PSD3: variants seen among roughly 807,000 people sequenced by gnomAD.
PSD3 encodes pleckstrin and Sec7 domain containing 3, also known as PH and SEC7 domain-containing protein 3.
Under a neutral mutation model 105.5 loss-of-function variants are expected in PSD3, and 49 were observed. That is an observed-to-expected ratio of 0.46 (90% CI 0.37 to 0.59). The LOEUF (loss-of-function observed/expected upper bound fraction) is 0.59, where lower values mean the gene tolerates loss of function less well. PSD3 is among the 20% of genes least tolerant of loss of function. The pLI is 0.00. For missense variants in PSD3, 1,561 were observed against 1,263.8 expected (o/e 1.24, Z -3.57); for synonymous variants, 557 against 457.8 (o/e 1.22, Z -2.77).
chr8:19,033,819 A>G (rs969299129), intron 1 of PSD3, among the ~76,000 whole-genome samples: 21 of 152,276 alleles, frequency 1.4e-4, no homozygotes, highest in African/African-American at 4.8e-4. Flanking sequence ...TGGTTTCTGT[A>G]CAAACGTTCA....
chr8:19,053,888 A>G (rs1326118768), intron 1 of PSD3, among the ~76,000 whole-genome samples: 1 of 152,174 alleles, frequency 6.6e-6, no homozygotes, highest in African/African-American at 2.4e-5. Context: ...GAATGAATGA[A>G]ATTTTGATTT....
chr8:18,951,693 C>G (rs928565739), intron 1 of PSD3, among the ~76,000 whole-genome samples: 4 of 152,056 alleles, frequency 2.6e-5, no homozygotes, highest in Admixed American at 1.3e-4. Flanking sequence ...GAATATAATA[C>G]TGGGAAATGG....
intron 9 of PSD3, among the ~76,000 whole-genome samples, chr8:18,754,061 A>C (rs950026139): frequency 6.6e-6 from 1 of 152,130 alleles, no homozygotes; most frequent in Non-Finnish European, 1.5e-5. Context: ...TTCATGGCCA[A>C]ACTGAGAAAA....
intron 4 of PSD3, among the ~76,000 whole-genome samples, chr8:18,821,719 C>CACACACACACA (rs1563312321): frequency 1.5e-4 from 3 of 20,230 alleles, no homozygotes; most frequent in African/African-American, 2.9e-4. Flanking sequence ...ACACACACAC[C>CACACACACACA]CCAATAACAA....
intron 4 of PSD3, chr8:18,808,992 G>A (rs1811446604): frequency 5.3e-6 from 7 of 1,309,212 alleles, no homozygotes; most frequent in Middle Eastern, 2.8e-4. Flanking sequence ...AATAAAAACA[G>A]CAGCCAGAAC....
chr8:18,874,386 C>T (rs1004355217), intron 2 of PSD3, among the ~76,000 whole-genome samples: 6 of 151,856 alleles, frequency 4.0e-5, no homozygotes, highest in Non-Finnish European at 8.8e-5. Flanking sequence ...AGGATGGTCT[C>T]GATGTCTTGA....
chr8:18,800,686 G>A (rs1467273830), intron 7 of PSD3, among the ~76,000 whole-genome samples: 1 of 151,514 alleles, frequency 6.6e-6, no homozygotes, highest in East Asian at 1.9e-4. Context: ...AGTGTAATAT[G>A]CATAACCTCA....
chr8:18,651,002 T>C (rs953325735), intron 10 of PSD3, among the ~76,000 whole-genome samples: 2 of 152,184 alleles, frequency 1.3e-5, no homozygotes, highest in African/African-American at 4.8e-5. Context: ...GACTTAATTT[T>C]CCTCATATAT....
At chr8:18,924,977 G>C (rs1396380859) in intron 2 of PSD3, among the ~76,000 whole-genome samples, 2 of 152,220 alleles carry the variant, frequency 1.3e-5, no homozygotes, top group South Asian at 4.1e-4. Context: ...TAGATAACTG[G>C]ACTTCACCAA....
chr8:18,989,326 T>A (rs1825671266), intron 1 of PSD3: 1 of 152,214 alleles, frequency 6.6e-6, no homozygotes, highest in Non-Finnish European at 1.5e-5. Flanking sequence ...GCTTTCAGTC[T>A]CTTTTCATGG....
intron 1 of PSD3, among the ~76,000 whole-genome samples, chr8:19,034,509 C>A (rs188680454): frequency 5.3e-5 from 8 of 152,176 alleles, no homozygotes; most frequent in African/African-American, 1.9e-4. Flanking sequence ...AGTAATTCTA[C>A]ATTTAACATC....
chr8:18,602,945 G>T (rs933201446), intron 11 of PSD3, among the ~76,000 whole-genome samples: 13 of 152,158 alleles, frequency 8.5e-5, no homozygotes, highest in African/African-American at 3.1e-4. Flanking sequence ...AACACACAGA[G>T]GTCCGTAAAG....
At chr8:18,663,169 T>C (rs576558674) in intron 9 of PSD3, among the ~76,000 whole-genome samples, 4 of 152,146 alleles carry the variant, frequency 2.6e-5, no homozygotes, top group African/African-American at 7.2e-5. Flanking sequence ...GGCTCACAAA[T>C]GTAATCCCAG....
At chr8:18,886,817 A>G (rs1290065270) in intron 2 of PSD3, 1 of 152,258 alleles carries the variant, frequency 6.6e-6, no homozygotes, top group Non-Finnish European at 1.5e-5. Context: ...CACTTTGAGC[A>G]CTTGGAACCC....
intron 9 of PSD3, among the ~76,000 whole-genome samples, chr8:18,744,753 CT>C (rs1469345083): frequency 6.6e-6 from 1 of 152,174 alleles, no homozygotes; most frequent in African/African-American, 2.4e-5. Context: ...ATTAACTGAA[CT>C]ATACACCTTA....
chr8:18,580,006 G>A (rs1802704349), intron 12 of PSD3, among the ~76,000 whole-genome samples: 1 of 151,908 alleles, frequency 6.6e-6, no homozygotes, highest in Non-Finnish European at 1.5e-5. Context: ...AAGCAAGCTG[G>A]GTCCTAAATT....
At chr8:18,903,360 T>C (rs1819635009) in intron 2 of PSD3, among the ~76,000 whole-genome samples, 1 of 152,046 alleles carries the variant, frequency 6.6e-6, no homozygotes. Flanking sequence ...TGAGCCTCTG[T>C]GAGGCCAGGT....
At chr8:18,611,045 C>T (rs1294953882) in intron 11 of PSD3, among the ~76,000 whole-genome samples, 1 of 152,084 alleles carries the variant, frequency 6.6e-6, no homozygotes, top group East Asian at 1.9e-4. Context: ...AAATAATTTA[C>T]ATATACAGGC....
At chr8:18,892,445 G>A (rs531733822) in intron 2 of PSD3, among the ~76,000 whole-genome samples, 75 of 151,564 alleles carry the variant, frequency 4.9e-4, no homozygotes, top group African/African-American at 1.8e-3. Flanking sequence ...GGATGGTCTC[G>A]ATCTCCTGAC....
Sources: gnomAD v4.1 joint callset for allele counts (sites outside exome capture counted in the v4.1 genomes callset) on GRCh38, gnomAD v4.1.1 for gene constraint, MANE v1.5 for transcripts, NCBI Gene and HGNC (gene_info 2026-07-23, HGNC 2026-07-21) for gene names.